The following CSMD1 variants were observed in gnomAD, a reference collection of about 807,000 sequenced individuals.
The protein encoded by CSMD1 is CUB and sushi domain-containing protein 1.
CSMD1 carries 213 observed loss-of-function variants against 417.5 expected under a neutral mutation model. The observed-to-expected ratio is 0.51, with a 90% CI of 0.46 to 0.57. The LOEUF (loss-of-function observed/expected upper bound fraction) is 0.57, where lower values mean the gene tolerates loss of function less well. Among genes scored for constraint, CSMD1 ranks in the 20% least tolerant of loss-of-function variants. The probability of loss-of-function intolerance (pLI) is 0.00; values close to 1 mark genes in which losing one functional copy is unlikely to be tolerated. For missense variants in CSMD1, 6,923 were observed against 4,529.7 expected, an observed-to-expected ratio of 1.53 and a Z score of -15.17; for synonymous variants, 2,862 against 1,736.8, an observed-to-expected ratio of 1.65 and a Z score of -16.11.
chr8:4,136,854 T>G (rs1391278498), intron 3 of CSMD1, among the ~76,000 whole-genome samples: 1 of 152,210 alleles, frequency 6.6e-6, no homozygotes, highest in African/African-American at 2.4e-5. Context: ...TAGGTTTGCT[T>G]TGTGATTATT....
At chr8:4,446,755 C>G (rs62481016) in intron 2 of CSMD1, among the ~76,000 whole-genome samples, 6,192 of 132,572 alleles carry the variant, frequency 0.047, 152 homozygotes, top group East Asian at 0.066. Context: ...GTGTGTGTGT[C>G]TGTGTGTGTG....
chr8:3,273,575 G>A (rs376301888), intron 26 of CSMD1, among the ~76,000 whole-genome samples: 41 of 152,228 alleles, frequency 2.7e-4, no homozygotes, highest in Admixed American at 1.1e-3. Flanking sequence ...ACTCTTTTTC[G>A]TTGGTAAGCT....
At chr8:4,090,868 A>C (rs916960721) in intron 3 of CSMD1, among the ~76,000 whole-genome samples, 1 of 152,166 alleles carries the variant, frequency 6.6e-6, no homozygotes, top group Non-Finnish European at 1.5e-5. Flanking sequence ...TAACTATTTT[A>C]CTAATGGATG....
intron 62 of CSMD1, among the ~76,000 whole-genome samples, chr8:2,960,467 A>AT (rs1803359709): frequency 6.6e-6 from 1 of 152,220 alleles, no homozygotes; most frequent in Non-Finnish European, 1.5e-5. Flanking sequence ...ATCCAACCAG[A>AT]TAACAGTGAA....
chr8:4,152,951 A>T (rs1022315397), intron 3 of CSMD1, among the ~76,000 whole-genome samples: 2 of 152,206 alleles, frequency 1.3e-5, no homozygotes, highest in African/African-American at 4.8e-5. Flanking sequence ...AAAATCTTAG[A>T]AATGGTATTT....
intron 5 of CSMD1, among the ~76,000 whole-genome samples, chr8:3,969,186 G>A (rs1204952599): frequency 1.3e-5 from 2 of 152,156 alleles, no homozygotes; most frequent in Admixed American, 6.5e-5. Flanking sequence ...GGAGGCAGTG[G>A]TTGCAGTGAG....
intron 2 of CSMD1, among the ~76,000 whole-genome samples, chr8:4,469,986 G>A (rs1471552414): frequency 2.0e-5 from 3 of 151,734 alleles, no homozygotes; most frequent in Non-Finnish European, 4.4e-5. Context: ...TCCTGCCTCA[G>A]CCTCCCGAGT....
intron 1 of CSMD1, among the ~76,000 whole-genome samples, chr8:4,924,797 A>G (rs1296434732): frequency 2.6e-5 from 4 of 151,414 alleles, no homozygotes; most frequent in African/African-American, 9.7e-5. Flanking sequence ...TTTTTGACAT[A>G]TGTATCATAT....
chr8:3,703,551 G>C (rs954753833), intron 7 of CSMD1, among the ~76,000 whole-genome samples: 2 of 152,020 alleles, frequency 1.3e-5, no homozygotes, highest in Non-Finnish European at 2.9e-5. Flanking sequence ...TGTGATCTGT[G>C]GGTCATGGAT....
intron 1 of CSMD1, among the ~76,000 whole-genome samples, chr8:4,699,043 C>T (rs999585605): frequency 6.6e-6 from 1 of 151,982 alleles, no homozygotes; most frequent in African/African-American, 2.4e-5. Context: ...AAAGCTTGTC[C>T]ACAGTTTTGG....
intron 10 of CSMD1, among the ~76,000 whole-genome samples, chr8:3,546,387 T>A (rs1185857422): frequency 2.6e-5 from 4 of 151,952 alleles, no homozygotes; most frequent in Non-Finnish European, 5.9e-5. Flanking sequence ...ATACAAAAAA[T>A]TAGCTGGGTT....
At chr8:4,413,114 G>C (rs1371792807) in intron 3 of CSMD1, among the ~76,000 whole-genome samples, 2 of 152,114 alleles carry the variant, frequency 1.3e-5, no homozygotes, top group South Asian at 2.1e-4. Context: ...CTCAAATTAA[G>C]AAAGATGGAT....
At chr8:4,566,446 G>C (rs1020119485) in intron 2 of CSMD1, among the ~76,000 whole-genome samples, 4 of 151,942 alleles carry the variant, frequency 2.6e-5, no homozygotes, top group East Asian at 1.9e-4. Context: ...GAGGTCAAGA[G>C]AACGAGACCA....
intron 3 of CSMD1, among the ~76,000 whole-genome samples, chr8:4,100,863 T>A (rs954869150): frequency 6.6e-6 from 1 of 152,108 alleles, no homozygotes; most frequent in African/African-American, 2.4e-5. Context: ...GACTTAAAAA[T>A]ATATGTTAGA....
chr8:3,399,355 C>A (rs748267273), intron 16 of CSMD1, 36 bp downstream of exon 16: 8 of 1,562,270 alleles, frequency 5.1e-6, no homozygotes, highest in South Asian at 2.5e-5. Flanking sequence ...GAGACACACA[C>A]CATTGGGTCC....
chr8:4,060,799 G>T (rs1798931389), intron 3 of CSMD1, among the ~76,000 whole-genome samples: 2 of 152,106 alleles, frequency 1.3e-5, no homozygotes. Flanking sequence ...ATTAAAAAAA[G>T]GTAGGAATGG....
At chr8:3,771,463 G>C (rs769029184) in intron 5 of CSMD1, among the ~76,000 whole-genome samples, 145 of 152,140 alleles carry the variant, frequency 9.5e-4, no homozygotes, top group Non-Finnish European at 1.5e-3. Flanking sequence ...TGGTGGGGGG[G>C]CAAGCAGGGC....
intron 2 of CSMD1, among the ~76,000 whole-genome samples, chr8:4,629,048 T>G (rs543356900): frequency 1.8e-4 from 28 of 152,208 alleles, no homozygotes; most frequent in Non-Finnish European, 3.5e-4. Context: ...TATAATTTAC[T>G]TAACTAGTGA....
At chr8:3,550,041 T>A (rs80152536) in intron 10 of CSMD1, among the ~76,000 whole-genome samples, 1 of 152,230 alleles carries the variant, frequency 6.6e-6, no homozygotes, top group Admixed American at 6.5e-5. Flanking sequence ...CTGATTTTTC[T>A]TGTTTCATAT....
Sources: allele counts gnomAD v4.1 joint callset (sites outside exome capture counted in the v4.1 genomes callset), GRCh38; gene constraint gnomAD v4.1.1; transcripts MANE v1.5; gene names NCBI Gene and HGNC (gene_info 2026-07-23, HGNC 2026-07-21).